The following RHBDL3 variants were observed in gnomAD, a reference collection of about 807,000 sequenced individuals.
RHBDL3 encodes the protein rhomboid like 3, also known as rhomboid-related protein 3.
In RHBDL3, 28 loss-of-function variants were observed where a neutral mutation model predicts 48.2. The observed-to-expected ratio is 0.58, with a 90% CI of 0.43 to 0.80. RHBDL3 has a LOEUF of 0.80. Ranked by LOEUF, RHBDL3 falls within the 30% of genes least tolerant of loss-of-function variation. The pLI is 0.00. For synonymous variants in RHBDL3, 208 were observed against 232.3 expected (o/e 0.90, Z 0.95); for missense variants, 464 against 542.7 (o/e 0.85, Z 1.44).
intron 7 of RHBDL3, among the ~76,000 whole-genome samples, chr17:32,310,307 C>T (rs1307282246): frequency 6.6e-6 from 1 of 152,048 alleles, no homozygotes; most frequent in African/African-American, 2.4e-5. Context: ...ATTGGCCGGG[C>T]GTGGTGGCTC....
intron 1 of RHBDL3, 62 bp downstream of exon 1, chr17:32,266,362 T>C: frequency 1.1e-6 from 1 of 873,310 alleles, no homozygotes; most frequent in Non-Finnish European, 1.6e-6. Flanking sequence ...AAGCCGCCCC[T>C]GTCTCGCCCC....
chr17:32,265,972 G>T lies in RHBDL3; in HGVS notation c.-218G>T, dbSNP rs2150680927. ...CCGGCGGGGCAGCTAGCGCAGTGAA[G>T]TTTGGCGGCGGAGGGGCCGGGCGTC... On this transcript the variant is annotated 5_prime_UTR_variant, in exon 1 of 9. Coordinates refer to ENST00000269051, the MANE Select transcript of RHBDL3 (RefSeq NM_138328.3). Among the ~76,000 whole-genome samples the T allele has an allele frequency of 6.8e-6, 1 of 146,764 alleles. No individual in the cohort carries two copies. The highest frequency in any genetic ancestry group is 6.8e-5 in the Admixed American group (1 of 14,790).
chr17:32,266,884 C>T (rs561201376), intron 1 of RHBDL3, among the ~76,000 whole-genome samples: 1 of 152,060 alleles, frequency 6.6e-6, no homozygotes, highest in South Asian at 2.1e-4. Context: ...GAAGGAGGCC[C>T]GGGAGTCCAA....
chr17:32,315,125 C>T (rs919528181), intron 7 of RHBDL3, among the ~76,000 whole-genome samples: 10 of 152,222 alleles, frequency 6.6e-5, no homozygotes, highest in Admixed American at 5.2e-4. Flanking sequence ...AGTGTCCATG[C>T]CAGTGTTCAG....
At chr17:32,304,546 C>T (rs1472771820) in intron 6 of RHBDL3, among the ~76,000 whole-genome samples, 8 of 152,204 alleles carry the variant, frequency 5.3e-5, no homozygotes, top group African/African-American at 1.2e-4. Flanking sequence ...AGGCTACTGG[C>T]GCCTGCCTCA....
At chr17:32,273,526 A>G (rs1407888714) in intron 2 of RHBDL3, among the ~76,000 whole-genome samples, 1 of 152,162 alleles carries the variant, frequency 6.6e-6, no homozygotes, top group Non-Finnish European at 1.5e-5. Context: ...GTGTGTGGCA[A>G]TGGGCAAGCC....
intron 6 of RHBDL3, among the ~76,000 whole-genome samples, chr17:32,302,574 T>C (rs930540899): frequency 6.6e-6 from 1 of 150,990 alleles, no homozygotes; most frequent in African/African-American, 2.4e-5. Flanking sequence ...AGCAATGGGG[T>C]TTCACCATGT....
intron 1 of RHBDL3, among the ~76,000 whole-genome samples, chr17:32,266,640 C>A (rs1015306917): frequency 6.6e-6 from 1 of 152,214 alleles, no homozygotes. Context: ...CGGTGACTCC[C>A]CCTCCCCTCA....
chr17:32,324,364 C>T lies in RHBDL3; in HGVS notation c.*3135C>T, dbSNP rs1460819779. The T allele has an allele frequency of 1.3e-5, 2 of 152,610 alleles. No individual in the cohort carries two copies. Among genetic ancestry groups the T allele is most frequent in the African/African-American group, 2.4e-5 (1 of 41,426 alleles). 9.5% of individuals were successfully genotyped at this position (152,610 alleles called of 1,614,324 possible). A position where few individuals can be genotyped will look rare whatever the true frequency, so the allele number is the denominator to read the frequency against. ...TGCTCACCACACCAGGATCTTCCCC[C>T]AGCGTCCAATTTAATTTGCAAATAC... On this transcript the variant is annotated 3_prime_UTR_variant, in exon 9 of 9. Coordinates refer to ENST00000269051, the MANE Select transcript of RHBDL3 (RefSeq NM_138328.3).
chr17:32,279,696 T>C (rs2039997171), intron 2 of RHBDL3, among the ~76,000 whole-genome samples: 1 of 152,222 alleles, frequency 6.6e-6, no homozygotes, highest in Non-Finnish European at 1.5e-5. Flanking sequence ...CGTTTCCGTA[T>C]GGCACGCTTA....
chr17:32,289,973 C>T (rs892293781), intron 4 of RHBDL3, among the ~76,000 whole-genome samples: 4 of 152,194 alleles, frequency 2.6e-5, no homozygotes, highest in African/African-American at 9.7e-5. Flanking sequence ...CATCCAAGTA[C>T]ATGTTGAAGT....
intron 8 of RHBDL3, among the ~76,000 whole-genome samples, chr17:32,320,341 G>C (rs2041093957): frequency 6.6e-6 from 1 of 152,054 alleles, no homozygotes; most frequent in Admixed American, 6.5e-5. Flanking sequence ...TTTTTTGTTT[G>C]TTTTTGAGAC....
chr17:32,313,735 G>A (rs1168759744), intron 7 of RHBDL3, among the ~76,000 whole-genome samples: 1 of 149,588 alleles, frequency 6.7e-6, no homozygotes, highest in African/African-American at 2.5e-5. Context: ...CTGTAACATG[G>A]GTCAGAATTC....
chr17:32,280,483 G>A (rs1693578545), intron 2 of RHBDL3: 1 of 152,214 alleles, frequency 6.6e-6, no homozygotes, highest in Admixed American at 6.5e-5. Context: ...TAAGCAGGCT[G>A]TGAAGGAGGA....
rs1421647080 is a variant in RHBDL3 at position 32,266,250 on chromosome 17, G to A, written c.61G>A (p.Glu21Lys). ...CGCCTGCGCCGAGGCGGAGCGCATC[G>A]AGGAGCTGGAACCCGAGGCCGAGGA... ...VAACAEAERI[E>K]ELEPEAEERL... Residue 21 changes from glutamate to lysine, a missense_variant, in exon 1 of 9, where the codon GAG (glutamate) becomes AAG (lysine). Physicochemically the swap from Glu to Lys is moderately conservative, Grantham distance 56 (BLOSUM62 1). Transcript: ENST00000269051. 5 of 1,463,158 alleles carry A rather than the reference G, an allele frequency of 3.4e-6. No homozygotes were observed. The highest frequency in any genetic ancestry group is 4.5e-6 in the Non-Finnish European group (5 of 1,114,232). 90.6% of individuals were successfully genotyped at this position (1,463,158 alleles called of 1,614,324 possible).
At chr17:32,274,683 A>T (rs1448796829) in intron 2 of RHBDL3, among the ~76,000 whole-genome samples, 1 of 152,196 alleles carries the variant, frequency 6.6e-6, no homozygotes, top group African/African-American at 2.4e-5. Flanking sequence ...AGCCTGGTCA[A>T]CATAACAAAA....
At chr17:32,319,702 G>A (rs2041070893) in intron 8 of RHBDL3, among the ~76,000 whole-genome samples, 1 of 152,202 alleles carries the variant, frequency 6.6e-6, no homozygotes, top group Admixed American at 6.5e-5. Context: ...TGGAGGTTCT[G>A]GCACCCCCTG....
chr17:32,315,959 T>G (rs2040963339), intron 7 of RHBDL3, among the ~76,000 whole-genome samples: 1 of 152,030 alleles, frequency 6.6e-6, no homozygotes, highest in African/African-American at 2.4e-5. Flanking sequence ...CTCTGAGATG[T>G]TCTCTGTCCA....
At chr17:32,273,630 A>G (rs1408653627) in intron 2 of RHBDL3, among the ~76,000 whole-genome samples, 2 of 152,244 alleles carry the variant, frequency 1.3e-5, no homozygotes, top group Non-Finnish European at 2.9e-5. Flanking sequence ...TGCTGTGTGT[A>G]TAGTGCTTGG....
Sources: gnomAD v4.1 joint callset for allele counts (sites outside exome capture counted in the v4.1 genomes callset) on GRCh38, gnomAD v4.1.1 for gene constraint, MANE v1.5 for transcripts, NCBI Gene and HGNC (gene_info 2026-07-23, HGNC 2026-07-21) for gene names.